The following PTPRD variants were observed in gnomAD, a reference collection of about 807,000 sequenced individuals.
PTPRD encodes the protein receptor-type tyrosine-protein phosphatase delta.
Under a neutral mutation model 214.5 loss-of-function variants are expected in PTPRD, and 34 were observed. The ratio of observed to expected loss-of-function variants is 0.16; its 90% CI spans 0.12 to 0.21. PTPRD has a LOEUF of 0.21. Ranked by LOEUF, PTPRD falls within the 10% of genes least tolerant of loss-of-function variation. The probability of loss-of-function intolerance (pLI) is 1.00; values close to 1 mark genes in which losing one functional copy is unlikely to be tolerated. For missense variants in PTPRD, 2,545 were observed against 2,398.7 expected, an observed-to-expected ratio of 1.06 and a Z score of -1.27; for synonymous variants, 1,128 against 845.7, an observed-to-expected ratio of 1.33 and a Z score of -5.79.
intron 11 of PTPRD, among the ~76,000 whole-genome samples, chr9:8,995,882 G>A (rs561348688): frequency 6.6e-6 from 1 of 152,136 alleles, no homozygotes; most frequent in African/African-American, 2.4e-5. Context: ...AAAGTTCAAA[G>A]AGCAAAGTCT....
At chr9:9,840,753 C>T (rs190881036) in intron 5 of PTPRD, among the ~76,000 whole-genome samples, 1 of 89,088 alleles carries the variant, frequency 1.1e-5, no homozygotes. Context: ...CAGAGCAAGA[C>T]TCCGTTTCAA....
intron 37 of PTPRD, among the ~76,000 whole-genome samples, chr9:8,383,656 C>T (rs2085927117): frequency 1.3e-5 from 2 of 152,194 alleles, no homozygotes; most frequent in African/African-American, 4.8e-5. Context: ...ATTTTCACTA[C>T]TAATTGGCAC....
At chr9:9,561,755 C>T (rs994230993) in intron 8 of PTPRD, among the ~76,000 whole-genome samples, 3 of 152,172 alleles carry the variant, frequency 2.0e-5, no homozygotes, top group African/African-American at 4.8e-5. Flanking sequence ...GAGATCTTTT[C>T]TCTTAGATTG....
intron 4 of PTPRD, among the ~76,000 whole-genome samples, chr9:9,947,531 TTTTATATATAATA>T (rs1566622300): frequency 4.7e-5 from 1 of 21,226 alleles, no homozygotes; most frequent in Non-Finnish European, 6.9e-5. Context: ...ATTATATATA[TTTTATATATAATA>T]TATATATTAT....
intron 2 of PTPRD, among the ~76,000 whole-genome samples, chr9:10,558,781 G>A (rs1442317835): frequency 6.6e-6 from 1 of 152,100 alleles, no homozygotes; most frequent in Non-Finnish European, 1.5e-5. Flanking sequence ...TTCACTCAAT[G>A]AGAATTTTGT....
chr9:9,959,179 G>T (rs1057320872), intron 4 of PTPRD, among the ~76,000 whole-genome samples: 1 of 152,078 alleles, frequency 6.6e-6, no homozygotes, highest in Admixed American at 6.5e-5. Context: ...AAAAGAAATT[G>T]CCTATCAAGC....
At chr9:10,420,575 A>G (rs76360909) in intron 2 of PTPRD, among the ~76,000 whole-genome samples, 1,550 of 151,912 alleles carry the variant, frequency 0.01, 24 homozygotes, top group African/African-American at 0.035. Flanking sequence ...GAAGCAGATT[A>G]AAGGGCCAGG....
intron 11 of PTPRD, among the ~76,000 whole-genome samples, chr9:8,998,410 C>T (rs2099405186): frequency 6.6e-6 from 1 of 151,974 alleles, no homozygotes. Context: ...AATAGAACAA[C>T]AAAGCCTGGA....
At chr9:9,476,971 G>A (rs1204240034) in intron 8 of PTPRD, among the ~76,000 whole-genome samples, 2 of 152,070 alleles carry the variant, frequency 1.3e-5, no homozygotes, top group Admixed American at 1.3e-4. Flanking sequence ...CCAACTTCAG[G>A]TGATCCGCCT....
intron 3 of PTPRD, among the ~76,000 whole-genome samples, chr9:10,050,486 G>C (rs2097511074): frequency 6.9e-6 from 1 of 144,372 alleles, no homozygotes; most frequent in Admixed American, 7.2e-5. Flanking sequence ...CTTGAACCCA[G>C]GAGGTGGAGG....
At chr9:10,443,786 G>A (rs2098778375) in intron 2 of PTPRD, among the ~76,000 whole-genome samples, 1 of 149,934 alleles carries the variant, frequency 6.7e-6, no homozygotes, top group Admixed American at 6.7e-5. Flanking sequence ...TTCAGAAGAT[G>A]TTAATTAGAA....
At chr9:9,747,837 G>A (rs980514914) in intron 6 of PTPRD, among the ~76,000 whole-genome samples, 6 of 152,158 alleles carry the variant, frequency 3.9e-5, no homozygotes, top group Non-Finnish European at 7.3e-5. Context: ...AGAGACGTGA[G>A]CCACTGCACC....
chr9:10,154,764 G>A (rs1174559146), intron 3 of PTPRD, among the ~76,000 whole-genome samples: 1 of 110,572 alleles, frequency 9.0e-6, no homozygotes, highest in South Asian at 3.2e-4. Flanking sequence ...CTGTAGCAGG[G>A]TGGCCTATTT....
chr9:8,954,310 A>T (rs1430693032), intron 11 of PTPRD, among the ~76,000 whole-genome samples: 1 of 151,874 alleles, frequency 6.6e-6, no homozygotes, highest in East Asian at 1.9e-4. Flanking sequence ...ACATGAACAT[A>T]AAAAAAGGAG....
intron 2 of PTPRD, among the ~76,000 whole-genome samples, chr9:10,490,842 C>A (rs1165898144): frequency 6.6e-6 from 1 of 152,038 alleles, no homozygotes; most frequent in Non-Finnish European, 1.5e-5. Flanking sequence ...GCATATTTTG[C>A]TTTTTGCTTT....
At chr9:9,440,671 C>G (rs983427259) in intron 8 of PTPRD, among the ~76,000 whole-genome samples, 1 of 152,166 alleles carries the variant, frequency 6.6e-6, no homozygotes, top group East Asian at 1.9e-4. Context: ...TCCCAAAATT[C>G]TGTCTTCAAG....
At chr9:8,694,620 C>T (rs1272238606) in intron 12 of PTPRD, among the ~76,000 whole-genome samples, 1 of 152,122 alleles carries the variant, frequency 6.6e-6, no homozygotes, top group Non-Finnish European at 1.5e-5. Flanking sequence ...TCTGCATATG[C>T]CAAGGAAACT....
At chr9:9,769,317 C>CTTTTTTTTTTT (rs34497562) in intron 5 of PTPRD, among the ~76,000 whole-genome samples, 2 of 69,594 alleles carry the variant, frequency 2.9e-5, no homozygotes, top group Non-Finnish European at 5.0e-5. Flanking sequence ...ACCAGAAGCC[C>CTTTTTTTTTTT]TTTTTTTTTT....
At chr9:9,341,798 T>TTTATTA (rs1165999022) in intron 9 of PTPRD, among the ~76,000 whole-genome samples, 2 of 151,906 alleles carry the variant, frequency 1.3e-5, no homozygotes, top group African/African-American at 4.8e-5. Context: ...CAAGATTTTA[T>TTTATTA]TTATTATTAT....
Sources: allele counts gnomAD v4.1 joint callset (sites outside exome capture counted in the v4.1 genomes callset), GRCh38; gene constraint gnomAD v4.1.1; transcripts MANE v1.5; gene names NCBI Gene and HGNC (gene_info 2026-07-23, HGNC 2026-07-21).